NEGR1: variants seen among roughly 807,000 people sequenced by gnomAD.
NEGR1 encodes neuronal growth regulator 1, also known as IgLON family member 4.
NEGR1 carries 10 observed loss-of-function variants against 40.9 expected under a neutral mutation model. That is an observed-to-expected ratio of 0.24 (90% CI 0.15 to 0.42). The LOEUF (loss-of-function observed/expected upper bound fraction) is 0.42. NEGR1 is among the 10% of genes least tolerant of loss of function. The pLI, the probability that NEGR1 is intolerant of heterozygous loss-of-function variation, is 1.00. For missense variants in NEGR1, 352 were observed against 438.9 expected (o/e 0.80, Z 1.77); for synonymous variants, 185 against 166.8 (o/e 1.11, Z -0.84).
At chr1:72,175,988 T>C (rs1652151054) in intron 1 of NEGR1, among the ~76,000 whole-genome samples, 1 of 152,144 alleles carries the variant, frequency 6.6e-6, no homozygotes, top group Non-Finnish European at 1.5e-5. Context: ...CACTGTAAGA[T>C]ACTTTGCAAG....
intron 1 of NEGR1, among the ~76,000 whole-genome samples, chr1:72,254,036 C>T (rs1655185706): frequency 6.6e-6 from 1 of 152,196 alleles, no homozygotes; most frequent in Non-Finnish European, 1.5e-5. Context: ...AGCTGGATGA[C>T]ATCCTCTAAC....
intron 2 of NEGR1, among the ~76,000 whole-genome samples, chr1:71,830,623 G>C (rs534859903): frequency 2.6e-5 from 4 of 151,846 alleles, no homozygotes; most frequent in Non-Finnish European, 5.9e-5. Flanking sequence ...TTCAATGTTA[G>C]TAAGAGTCAA....
chr1:71,662,048 T>C (rs984631000), intron 4 of NEGR1, among the ~76,000 whole-genome samples: 1 of 152,222 alleles, frequency 6.6e-6, no homozygotes, highest in Non-Finnish European at 1.5e-5. Flanking sequence ...ACATAATAAA[T>C]GGTCAATGAA....
At chr1:71,433,484 G>A (rs965894790) in intron 6 of NEGR1, among the ~76,000 whole-genome samples, 46 of 152,282 alleles carry the variant, frequency 3.0e-4, no homozygotes, top group Admixed American at 1.8e-3. Flanking sequence ...AGATATACCC[G>A]AGACTGGGAA....
intron 4 of NEGR1, among the ~76,000 whole-genome samples, chr1:71,696,666 A>C (rs1352938346): frequency 6.6e-6 from 1 of 151,798 alleles, no homozygotes; most frequent in Non-Finnish European, 1.5e-5. Context: ...GTTACCTCTT[A>C]TTTCAGAGAG....
chr1:71,954,644 A>T (rs1057092136), intron 1 of NEGR1, among the ~76,000 whole-genome samples: 1 of 152,084 alleles, frequency 6.6e-6, no homozygotes, highest in African/African-American at 2.4e-5. Flanking sequence ...AATGAACTTT[A>T]ACTTGAAGAT....
At chr1:71,812,950 G>A (rs538082009) in intron 2 of NEGR1, among the ~76,000 whole-genome samples, 14 of 151,968 alleles carry the variant, frequency 9.2e-5, no homozygotes, top group African/African-American at 1.9e-4. Flanking sequence ...TATCCAATGC[G>A]TCAATTTTTG....
intron 2 of NEGR1, among the ~76,000 whole-genome samples, chr1:71,926,312 G>T (rs61136340): frequency 0.012 from 1,753 of 149,468 alleles, 30 homozygotes; most frequent in African/African-American, 0.041. Flanking sequence ...TGTTTTTATG[G>T]AATACTTGCC....
At chr1:71,984,427 G>T (rs1646378522) in intron 1 of NEGR1, among the ~76,000 whole-genome samples, 1 of 151,962 alleles carries the variant, frequency 6.6e-6, no homozygotes, top group Non-Finnish European at 1.5e-5. Flanking sequence ...GCCCGGCCTT[G>T]AAATAACTTT....
At chr1:71,912,562 C>T (rs1020458928) in intron 2 of NEGR1, among the ~76,000 whole-genome samples, 3 of 152,148 alleles carry the variant, frequency 2.0e-5, no homozygotes, top group Admixed American at 6.5e-5. Flanking sequence ...CTCTGATAAA[C>T]GTCATTCTTA....
intron 6 of NEGR1, among the ~76,000 whole-genome samples, chr1:71,497,437 T>C (rs1209900883): frequency 6.7e-6 from 1 of 149,850 alleles, no homozygotes; most frequent in Non-Finnish European, 1.5e-5. Flanking sequence ...AATTCCATAG[T>C]TTTTTTTTCA....
chr1:72,101,454 T>C (rs980678431), intron 1 of NEGR1, among the ~76,000 whole-genome samples: 10 of 152,164 alleles, frequency 6.6e-5, no homozygotes, highest in African/African-American at 2.4e-4. Context: ...CAAATGAAGT[T>C]TGGCAAATTA....
chr1:71,471,257 T>C (rs886379725), intron 6 of NEGR1, among the ~76,000 whole-genome samples: 2 of 152,192 alleles, frequency 1.3e-5, no homozygotes, highest in Non-Finnish European at 2.9e-5. Context: ...TCCTAAGACT[T>C]TTTGAACTCC....
intron 1 of NEGR1, among the ~76,000 whole-genome samples, chr1:72,136,315 T>C (rs1188786565): frequency 6.6e-6 from 1 of 151,840 alleles, no homozygotes; most frequent in African/African-American, 2.4e-5. Context: ...AGCTGAAAAA[T>C]GCACAAAATA....
intron 3 of NEGR1, among the ~76,000 whole-genome samples, chr1:71,739,053 G>A (rs1655126413): frequency 6.6e-6 from 1 of 151,938 alleles, no homozygotes; most frequent in Admixed American, 6.6e-5. Context: ...TCAAATTAAA[G>A]GTTGCAATGT....
chr1:71,878,557 A>G (rs1660496689), intron 2 of NEGR1, among the ~76,000 whole-genome samples: 1 of 152,224 alleles, frequency 6.6e-6, no homozygotes, highest in South Asian at 2.1e-4. Flanking sequence ...ATTTTTCATC[A>G]TAAAAATATA....
intron 4 of NEGR1, among the ~76,000 whole-genome samples, chr1:71,642,101 T>C (rs1285065405): frequency 6.6e-6 from 1 of 151,986 alleles, no homozygotes; most frequent in African/African-American, 2.4e-5. Flanking sequence ...AGGATCAGAA[T>C]AACCAACATG....
At chr1:71,766,733 C>T (rs1236387450) in intron 3 of NEGR1, among the ~76,000 whole-genome samples, 2 of 152,148 alleles carry the variant, frequency 1.3e-5, no homozygotes, top group African/African-American at 4.8e-5. Context: ...TTGTAATCCT[C>T]AATGTTGGAG....
chr1:71,888,455 C>T (rs564485352), intron 2 of NEGR1, among the ~76,000 whole-genome samples: 9 of 151,978 alleles, frequency 5.9e-5, no homozygotes, highest in African/African-American at 7.2e-5. Flanking sequence ...AAAGGGGTGA[C>T]GGACGCACCT....
Sources: gnomAD v4.1 joint callset for allele counts (sites outside exome capture counted in the v4.1 genomes callset) on GRCh38, gnomAD v4.1.1 for gene constraint, MANE v1.5 for transcripts, NCBI Gene and HGNC (gene_info 2026-07-23, HGNC 2026-07-21) for gene names.